The following FANCM variants were observed in gnomAD, a reference collection of about 807,000 sequenced individuals.
The protein encoded by FANCM is FA complementation group M, also known as Fanconi anemia group M protein.
A neutral mutation model predicts 199.5 loss-of-function variants in FANCM; 140 were observed. The ratio of observed to expected loss-of-function variants is 0.70; its 90% CI spans 0.61 to 0.81. The LOEUF is 0.81. Ranked by LOEUF, FANCM falls within the 30% of genes least tolerant of loss-of-function variation. The pLI, the probability that FANCM is intolerant of heterozygous loss-of-function variation, is 0.00. For synonymous variants in FANCM, 840 were observed against 836.8 expected (o/e 1.00, Z -0.07); for missense variants, 2,410 against 2,421.4 (o/e 1.00, Z 0.10).
At chr14:45,147,298 T>C (rs1886471257) in intron 3 of FANCM, among the ~76,000 whole-genome samples, 1 of 150,112 alleles carries the variant, frequency 6.7e-6, no homozygotes, top group Non-Finnish European at 1.5e-5. Flanking sequence ...TCTTTTTTTC[T>C]TTTCTTTTTC....
rs1890209507 is a variant in FANCM at position 45,198,766 on chromosome 14, G to C, written c.5839G>C (p.Glu1947Gln). Reference sequence around the variant, plus strand: ...AGAAGAAACCGCAGATTTGCTAAAGGAACTGTCTTTAGTGGAACAAAGAAA... The same window carrying C: ...AGAAGAAACCGCAGATTTGCTAAAGCAACTGTCTTTAGTGGAACAAAGAAA... Reference protein sequence around the residue: ...CQEETADLLKELSLVEQRKNV... With the variant: ...CQEETADLLKQLSLVEQRKNV... Residue 1947 changes from glutamate to glutamine, a missense_variant, in exon 22 of 23, where the codon GAA becomes CAA. Physicochemically the swap from Glu to Gln is conservative, Grantham distance 29. Coordinates refer to ENST00000267430, the MANE Select transcript of FANCM (RefSeq NM_020937.4). 4 of 1,613,992 alleles carry C rather than the reference G, an allele frequency of 2.5e-6. No homozygotes were observed. The highest frequency in any genetic ancestry group is 2.7e-5 in the African/African-American group (2 of 75,014).
chr14:45,183,678 G>A (rs1023656474), intron 16 of FANCM, 96 bp from the exon 17 acceptor site: 4 of 743,878 alleles, frequency 5.4e-6, no homozygotes, highest in South Asian at 1.7e-5. Flanking sequence ...TTAATATTAT[G>A]TATTTATAAC....
In FANCM at chr14:45,170,659, T is replaced by G. The variant is rs534278963; in HGVS notation, c.2073T>G (p.Leu691=). ...SEEEFKLWNR[L]YRLRDSDEIK... ...AAGAATTTAAATTATGGAACAGACT[T>G]TATAGATTAAGGGACAGTGATGAAA... The change falls in exon 12 of 23, where the codon CTT becomes CTG. Residue 691 remains leucine, a synonymous_variant. Coordinates refer to ENST00000267430, the MANE Select transcript of FANCM (RefSeq NM_020937.4). 16 of 1,604,554 alleles carry G rather than the reference T, an allele frequency of 1.0e-5. No homozygotes were observed. In the East Asian group the frequency reaches 3.6e-4, roughly 36 times the overall value.
At chr14:45,152,889 T>A (rs1886927349) in intron 5 of FANCM, among the ~76,000 whole-genome samples, 1 of 152,184 alleles carries the variant, frequency 6.6e-6, no homozygotes, top group East Asian at 1.9e-4. Flanking sequence ...TTATAGTATA[T>A]TATTATTTAA....
intron 3 of FANCM, among the ~76,000 whole-genome samples, chr14:45,146,238 C>G (rs28602440): frequency 0.18 from 6,482 of 36,352 alleles, 568 homozygotes; most frequent in African/African-American, 0.4. Flanking sequence ...GAGACTCCGT[C>G]TGAAAAAAAA....
chr14:45,186,956 G>C (rs1889438976), intron 18 of FANCM, among the ~76,000 whole-genome samples: 1 of 152,166 alleles, frequency 6.6e-6, no homozygotes, highest in Admixed American at 6.5e-5. Context: ...TCCAATCAAG[G>C]AATGCTAGTG....
chr14:45,147,868 G>T (rs1886520164), intron 3 of FANCM, among the ~76,000 whole-genome samples: 1 of 148,074 alleles, frequency 6.8e-6, no homozygotes, highest in Non-Finnish European at 1.5e-5. Flanking sequence ...TTGCACTGCA[G>T]CCTGGGCGAC....
rs1887398867 is a variant in FANCM at position 45,159,149 on chromosome 14, T to G, written c.1450T>G (p.Ser484Ala). The G allele has an allele frequency of 6.2e-7, 1 of 1,613,176 alleles. No individual in the cohort carries two copies. Among genetic ancestry groups the G allele is most frequent in the Non-Finnish European group, 8.5e-7 (1 of 1,179,246 alleles). ...TGAGACCCGAGTTATGATCTTCTCT[T>G]CATTTCGAGATAGTGTTCAAGAAAT... ...RDETRVMIFS[S>A]FRDSVQEIAE... Residue 484 changes from serine to alanine, a missense_variant, in exon 9 of 23, where the codon TCA becomes GCA. Coordinates refer to ENST00000267430, the MANE Select transcript of FANCM (RefSeq NM_020937.4).
Position 45,143,905 on chromosome 14 carries a change from GCTGGT to G in FANCM, c.759+3199_759+3203del, listed in dbSNP as rs1464003501. ...GACGGGGTTTCACCATGTTGGTCAG[GCTGGT>G]CTCGAACCCCTGACCTCGTGATCTA... On this transcript the variant is annotated intron_variant, in intron 3 of 22. Transcript: ENST00000267430. Among the ~76,000 whole-genome samples, 4 of 150,658 alleles carry G rather than the reference GCTGGT, an allele frequency of 2.7e-5. No homozygotes were observed. In the South Asian group the frequency reaches 8.3e-4, roughly 31 times the overall value.
At chr14:45,152,598 C>T (rs373996592) in intron 5 of FANCM, among the ~76,000 whole-genome samples, 6 of 152,160 alleles carry the variant, frequency 3.9e-5, no homozygotes, top group Non-Finnish European at 8.8e-5. Flanking sequence ...GGCACCGAGT[C>T]GATCTTTGAA....
chr14:45,150,365 GT>G lies in FANCM; in HGVS notation c.919-1031del, dbSNP rs1483612373. Among the ~76,000 whole-genome samples, 34 of 152,182 alleles carry G rather than the reference GT, an allele frequency of 2.2e-4. No individual in the cohort carries two copies. In the South Asian group the frequency reaches 5.4e-3, roughly 24 times the overall value. On this transcript the variant is annotated intron_variant, in intron 4 of 22. Coordinates refer to ENST00000267430, the MANE Select transcript of FANCM (RefSeq NM_020937.4). ...ATAATTCTTATAATCATATACAAAT[GT>G]AATTTAATTTTGTTAGTATTTTTAG...
In FANCM at chr14:45,164,372, T is replaced by G. The variant is rs756546195; in HGVS notation, c.1595T>G (p.Phe532Cys). 5 of 1,612,520 alleles carry G rather than the reference T, an allele frequency of 3.1e-6. No homozygotes were observed. Among genetic ancestry groups the G allele is most frequent in the Non-Finnish European group, 4.2e-6 (5 of 1,179,540 alleles). Residue 532 changes from phenylalanine to cysteine, a missense_variant, in exon 10 of 23, where the codon TTT becomes TGT. By Grantham distance (205) the Phe-to-Cys change is radical. Coordinates refer to ENST00000267430, the MANE Select transcript of FANCM (RefSeq NM_020937.4). ...QKEQLEVVKQ[F>C]RDGGYNTLVS... ...TTTTTATTTTAGGTAGTGAAACAGT[T>G]TCGTGACGGTGGTTACAACACGCTG...
At chr14:45,196,609 T>G in intron 21 of FANCM, 62 bp downstream of exon 21, 1 of 1,501,610 alleles carries the variant, frequency 6.7e-7, no homozygotes, top group Non-Finnish European at 9.2e-7. Flanking sequence ...TTAACTTAGT[T>G]TATTCTTCTA....
chr14:45,155,572 G>C, intron 8 of FANCM, 113 bp downstream of exon 8: 2 of 616,574 alleles, frequency 3.2e-6, no homozygotes, highest in Non-Finnish European at 6.1e-6. Flanking sequence ...TTGGGAGGCC[G>C]AGGATCACGG....
At chr14:45,166,174 C>T (rs1269807613) in intron 10 of FANCM, among the ~76,000 whole-genome samples, 1 of 151,894 alleles carries the variant, frequency 6.6e-6, no homozygotes, top group African/African-American at 2.4e-5. Context: ...CTGTGTCACC[C>T]AGGCTGGAGG....
chr14:45,144,626 A>G (rs1223847612), intron 3 of FANCM, among the ~76,000 whole-genome samples: 1 of 152,198 alleles, frequency 6.6e-6, no homozygotes, highest in Non-Finnish European at 1.5e-5. Context: ...CCACTACCAT[A>G]GGCCCATGAG....
At chr14:45,143,057 A>AG (rs1566724607) in intron 3 of FANCM, among the ~76,000 whole-genome samples, 2 of 151,264 alleles carry the variant, frequency 1.3e-5, no homozygotes, top group Admixed American at 1.3e-4. Flanking sequence ...TGCAATAAAG[A>AG]TTTTTTTTCC....
intron 10 of FANCM, 80 bp downstream of exon 10, chr14:45,164,645 A>G (rs969837537): frequency 2.7e-6 from 3 of 1,094,366 alleles, no homozygotes; most frequent in South Asian, 1.4e-5. Context: ...ACATGTTAGC[A>G]TTCCAAGTCC....
chr14:45,140,627 T>C lies in FANCM; in HGVS notation c.682-5T>C. On this transcript the variant is annotated splice_region_variant and splice_polypyrimidine_tract_variant and intron_variant, in intron 2 of 22. Coordinates refer to ENST00000267430, the MANE Select transcript of FANCM (RefSeq NM_020937.4). ...ATGAAACTAAAGAACTTTTTTTTTC[T>C]TAAGGTTGTAAGAGAACTAGTCAAA... is the stretch of plus-strand genomic sequence containing the variant. 2 of 1,564,500 alleles carry C rather than the reference T, an allele frequency of 1.3e-6. No homozygotes were observed. The highest frequency in any genetic ancestry group is 8.8e-7 in the Non-Finnish European group (1 of 1,136,802).
Sources: gnomAD v4.1 joint callset for allele counts (sites outside exome capture counted in the v4.1 genomes callset) on GRCh38, gnomAD v4.1.1 for gene constraint, MANE v1.5 for transcripts, NCBI Gene and HGNC (gene_info 2026-07-23, HGNC 2026-07-21) for gene names.